The following AOAH variants were observed in gnomAD, a reference collection of about 807,000 sequenced individuals.
The protein encoded by AOAH is acyloxyacyl hydrolase.
Under a neutral mutation model 92.2 loss-of-function variants are expected in AOAH, and 64 were observed. The observed-to-expected ratio is 0.69, with a 90% CI of 0.57 to 0.86. The LOEUF (loss-of-function observed/expected upper bound fraction) is 0.86. AOAH is among the 40% of genes least tolerant of loss of function. The probability of loss-of-function intolerance (pLI) is 0.00; values close to 1 mark genes in which losing one functional copy is unlikely to be tolerated. For synonymous variants in AOAH, 263 were observed against 254.5 expected, an observed-to-expected ratio of 1.03 and a Z score of -0.32; for missense variants, 656 against 694.6, an observed-to-expected ratio of 0.94 and a Z score of 0.62.
Position 36,621,774 on chromosome 7 carries a change from G to A in AOAH, c.589C>T (p.Arg197Trp), listed in dbSNP as rs766158004. 23 of 1,613,944 alleles carry A rather than the reference G, an allele frequency of 1.4e-5. No homozygotes were observed. The highest frequency in any genetic ancestry group is 5.3e-5 in the African/African-American group (4 of 74,926). Residue 197 changes from arginine to tryptophan, a missense_variant, in exon 8 of 21, where the codon CGG becomes TGG. Arg to Trp is a moderately radical substitution (Grantham distance 101, BLOSUM62 -3). Transcript: ENST00000617537. ...SDKYSVFPTL[R>W]GYHWRGRDCN... The stretch of plus-strand genomic sequence containing the variant: ...TCTCTCCCCCGCCAGTGATAGCCCC[G>A]CAGTGTCTGAAATTGAAGAGCACAC...
chr7:36,671,598 CGT>C (rs35106785), intron 3 of AOAH, among the ~76,000 whole-genome samples: 233 of 151,380 alleles, frequency 1.5e-3, no homozygotes, highest in African/African-American at 5.4e-3. Flanking sequence ...TGTGCTCATG[CGT>C]GTGTGTGTAT....
At chr7:36,538,105 G>A (rs1356439059) in intron 16 of AOAH, among the ~76,000 whole-genome samples, 1 of 148,192 alleles carries the variant, frequency 6.7e-6, no homozygotes, top group Non-Finnish European at 1.5e-5. Flanking sequence ...TCGGCTCACT[G>A]CAACCTCTGC....
At chr7:36,534,031 C>G (rs1295201535) in intron 16 of AOAH, among the ~76,000 whole-genome samples, 1 of 152,030 alleles carries the variant, frequency 6.6e-6, no homozygotes, top group Non-Finnish European at 1.5e-5. Flanking sequence ...GGCGGCATCT[C>G]TCTGCAGCCT....
In AOAH at chr7:36,594,362, T is replaced by C. The variant is rs1370094635; in HGVS notation, c.915A>G (p.Thr305=). 1 of 1,614,024 alleles carries C rather than the reference T, an allele frequency of 6.2e-7. No individual in the cohort carries two copies. Among genetic ancestry groups the C allele is most frequent in the Admixed American group, 1.7e-5 (1 of 60,022 alleles). Residue 305 remains threonine (T), a synonymous_variant, in exon 12 of 21, where the codon ACA becomes ACG. Coordinates refer to ENST00000617537, the MANE Select transcript of AOAH (RefSeq NM_001637.4). ...ELDWPQLSGA[T]GFLDSTVGIK... ...ACCCAACAGTGGAGTCCAGAAATCC[T>C]GTAGCACCAGAGAGTTGGGGCCAGT...
chr7:36,601,741 T>C (rs1790623403), intron 11 of AOAH, among the ~76,000 whole-genome samples: 1 of 152,154 alleles, frequency 6.6e-6, no homozygotes, highest in Admixed American at 6.5e-5. Flanking sequence ...CATGTGGGGC[T>C]TTCAAGAAAG....
intron 11 of AOAH, among the ~76,000 whole-genome samples, chr7:36,600,380 G>T (rs1323137764): frequency 6.6e-6 from 1 of 152,078 alleles, no homozygotes; most frequent in African/African-American, 2.4e-5. Context: ...CCCCTCTTAT[G>T]ATGAGCACCT....
intron 20 of AOAH, 28 bp from the exon 21 acceptor site, chr7:36,513,408 A>C (rs201878258): frequency 6.2e-7 from 1 of 1,606,582 alleles, no homozygotes; most frequent in Non-Finnish European, 8.5e-7. Context: ...AAGGACGAGG[A>C]AAAGGGAAAT....
chr7:36,563,444 C>G (rs1220783948), intron 13 of AOAH, among the ~76,000 whole-genome samples: 2 of 152,118 alleles, frequency 1.3e-5, no homozygotes, highest in Non-Finnish European at 2.9e-5. Flanking sequence ...GCTAACCTCA[C>G]TGCTCATTTG....
chr7:36,696,844 T>C (rs981612751), intron 1 of AOAH, among the ~76,000 whole-genome samples: 4 of 149,672 alleles, frequency 2.7e-5, no homozygotes, highest in African/African-American at 9.8e-5. Flanking sequence ...CAGCCTGGAC[T>C]ACAGAGCGAG....
At chr7:36,714,865 A>G (rs1799022262) in intron 1 of AOAH, among the ~76,000 whole-genome samples, 1 of 152,208 alleles carries the variant, frequency 6.6e-6, no homozygotes, top group African/African-American at 2.4e-5. Context: ...ACCCACAGCC[A>G]ATATCATACT....
chr7:36,618,247 TAG>T (rs1792034408), intron 10 of AOAH, 48 bp downstream of exon 10: 7 of 1,562,340 alleles, frequency 4.5e-6, no homozygotes, highest in Non-Finnish European at 5.3e-6. Flanking sequence ...TGACTCAAAC[TAG>T]AAAAGAATAT....
At chr7:36,528,746 C>A (rs1426776779) in intron 19 of AOAH, among the ~76,000 whole-genome samples, 1 of 152,180 alleles carries the variant, frequency 6.6e-6, no homozygotes, top group Non-Finnish European at 1.5e-5. Context: ...CAAGCATGCA[C>A]CACCATGCCT....
intron 2 of AOAH, among the ~76,000 whole-genome samples, chr7:36,683,165 C>T (rs894710255): frequency 6.6e-6 from 1 of 152,134 alleles, no homozygotes; most frequent in African/African-American, 2.4e-5. Context: ...TTAAGATGCT[C>T]AGGGAAAGAC....
chr7:36,680,502 G>A (rs1170223925), intron 2 of AOAH, among the ~76,000 whole-genome samples: 2 of 152,134 alleles, frequency 1.3e-5, no homozygotes, highest in African/African-American at 4.8e-5. Context: ...CCATTCACCT[G>A]GCCTACCAGA....
At chr7:36,655,331 A>G (rs1295318850) in intron 4 of AOAH, among the ~76,000 whole-genome samples, 4 of 148,410 alleles carry the variant, frequency 2.7e-5, no homozygotes, top group African/African-American at 9.7e-5. Flanking sequence ...AGGAGAGTTA[A>G]CATTTTGTTG....
chr7:36,650,249 C>T (rs1399056065), intron 4 of AOAH, among the ~76,000 whole-genome samples: 1 of 152,174 alleles, frequency 6.6e-6, no homozygotes, highest in Non-Finnish European at 1.5e-5. Context: ...AGAATGAATT[C>T]CAAATAGTTT....
intron 12 of AOAH, among the ~76,000 whole-genome samples, chr7:36,592,990 G>A (rs1399699344): frequency 6.6e-6 from 1 of 152,088 alleles, no homozygotes; most frequent in Admixed American, 6.6e-5. Context: ...TTCCCTGAAG[G>A]TTAGTTCCCT....
Position 36,531,061 on chromosome 7 carries a change from G to A in AOAH, c.1426-547C>T, listed in dbSNP as rs369075251. 3.3e-5 allele frequency among the ~76,000 whole-genome samples: 5 copies of A among 152,148 alleles called. No homozygotes were observed. The South Asian group carries it at 1.0e-3, about 32-fold the overall frequency. On this transcript the variant is annotated intron_variant, in intron 18 of 20. Transcript: ENST00000617537. ...AAAAGATGAAATAAATCATAATATA[G>A]TCACGTATAAACTTTAGAATGGTTA...
In AOAH at chr7:36,713,846, T is replaced by C. The variant is rs561720526; in HGVS notation, c.127+10176A>G. Among the ~76,000 whole-genome samples the C allele has an allele frequency of 3.1e-3, 475 of 152,302 alleles. 4 individuals carry two copies. The highest frequency in any genetic ancestry group is 0.011 in the African/African-American group (458 of 41,552). Reference sequence around the variant, plus strand: ...AAAGCAGCGTGTAGAGGGAAATTTATAGCACTAAATGCCCACAAGAGAAAG... The same window carrying C: ...AAAGCAGCGTGTAGAGGGAAATTTACAGCACTAAATGCCCACAAGAGAAAG... On this transcript the variant is annotated intron_variant, in intron 1 of 20. Coordinates refer to ENST00000617537, the MANE Select transcript of AOAH (RefSeq NM_001637.4).
Sources: gnomAD v4.1 joint callset for allele counts (sites outside exome capture counted in the v4.1 genomes callset) on GRCh38, gnomAD v4.1.1 for gene constraint, MANE v1.5 for transcripts, NCBI Gene and HGNC (gene_info 2026-07-23, HGNC 2026-07-21) for gene names.